The following SCUBE1 variants were observed in gnomAD, a reference collection of about 807,000 sequenced individuals.
SCUBE1 encodes signal peptide, CUB and EGF-like domain-containing protein 1.
In SCUBE1, 59 loss-of-function variants were observed where a neutral mutation model predicts 124.4. That is an observed-to-expected ratio of 0.47 (90% CI 0.38 to 0.59). SCUBE1 has a LOEUF of 0.59. Ranked by LOEUF, SCUBE1 falls within the 20% of genes least tolerant of loss-of-function variation. The pLI is 0.00. For synonymous variants in SCUBE1, 545 were observed against 550.9 expected, an observed-to-expected ratio of 0.99 and a Z score of 0.15; for missense variants, 1,150 against 1,371.2, an observed-to-expected ratio of 0.84 and a Z score of 2.55.
rs984654514 is a variant in SCUBE1 at position 43,200,429 on chromosome 22, G to C, written c.*3568C>G. Reference sequence around the variant, plus strand: ...ACGTGGATCCGTCCTACCTGGCCCAGTCCTTGTTCCCCACTTCCCTTTTCT... The same window carrying C: ...ACGTGGATCCGTCCTACCTGGCCCACTCCTTGTTCCCCACTTCCCTTTTCT... On this transcript the variant is annotated 3_prime_UTR_variant, in exon 22 of 22. Transcript: ENST00000360835. 6.6e-6 allele frequency: 1 copy of C among 152,330 alleles called. No individual in the cohort carries two copies. Among genetic ancestry groups the C allele is most frequent in the Non-Finnish European group, 1.5e-5 (1 of 68,086 alleles). 9.4% of individuals were successfully genotyped at this position (152,330 alleles called of 1,614,324 possible).
intron 4 of SCUBE1, among the ~76,000 whole-genome samples, chr22:43,275,525 G>A (rs1924471560): frequency 6.6e-6 from 1 of 152,214 alleles, no homozygotes. Flanking sequence ...CCCTTCTTGG[G>A]AGCTCATGGA....
chr22:43,318,075 C>G (rs866776258), intron 3 of SCUBE1: 1 of 152,190 alleles, frequency 6.6e-6, no homozygotes, highest in East Asian at 1.9e-4. Flanking sequence ...AGTTTGGACT[C>G]CTAACCAAGA....
chr22:43,315,403 A>G (rs1926310125), intron 3 of SCUBE1, among the ~76,000 whole-genome samples: 1 of 152,176 alleles, frequency 6.6e-6, no homozygotes, highest in Non-Finnish European at 1.5e-5. Flanking sequence ...TGACTCTTAC[A>G]GCATGATTTA....
chr22:43,206,094 T>C (rs1209562967), intron 21 of SCUBE1, among the ~76,000 whole-genome samples: 17 of 49,240 alleles, frequency 3.5e-4, no homozygotes, highest in African/African-American at 5.9e-4. Flanking sequence ...CACACCCCCA[T>C]ACACACCACA....
rs1159376458 is a variant in SCUBE1, at chr22:43,227,427, T to A, written c.1154A>T (p.Glu385Val). The A allele has an allele frequency of 6.2e-7, 1 of 1,613,090 alleles. No homozygotes were observed. Among genetic ancestry groups the A allele is most frequent in the Admixed American group, 1.7e-5 (1 of 59,976 alleles). Residue 385 changes from glutamate to valine, a missense_variant, in exon 10 of 22, where the codon GAG becomes GTG. Physicochemically the swap from Glu to Val is moderately radical, Grantham distance 121 (BLOSUM62 -2). Transcript: ENST00000360835. ...CCGCCTCCCCGGGGGACAGACGCAC[T>A]CGTAGCTGCCCTTGGTGTTGACGCA... ...QGCVNTKGSY[E>V]CVCPPGRRLH...
intron 14 of SCUBE1, among the ~76,000 whole-genome samples, chr22:43,219,886 C>T (rs544798177): frequency 1.3e-5 from 2 of 152,188 alleles, no homozygotes; most frequent in South Asian, 2.1e-4. Flanking sequence ...GTGGTTTGCA[C>T]GTGCGTCTGC....
intron 3 of SCUBE1, among the ~76,000 whole-genome samples, chr22:43,319,558 C>CTAAA (rs1926470039): frequency 1.8e-5 from 1 of 55,214 alleles, no homozygotes; most frequent in Admixed American, 2.5e-4. Flanking sequence ...GACTCCATCT[C>CTAAA]AAAAAAAAAA....
rs778181006 is a variant in SCUBE1, at chr22:43,234,604, A to G, written c.845-2729T>C. 1.3e-5 allele frequency among the ~76,000 whole-genome samples: 2 copies of G among 152,034 alleles called. No individual in the cohort carries two copies. The highest frequency in any genetic ancestry group is 2.9e-5 in the Non-Finnish European group (2 of 67,974). On this transcript the variant is annotated intron_variant, in intron 7 of 21. Transcript: ENST00000360835. This position sits in a 1 kb window ranked among gnomAD's most constrained non-coding sequence, Gnocchi z 4.4. ...TGGAGGGAAGCCCCCTCCTCACACT[A>G]CCTCAGGATATAGTGAAGGGGGTGC...
At chr22:43,320,128 C>T (rs1926495320) in intron 2 of SCUBE1, 63 bp from the exon 3 acceptor site, 1 of 1,597,522 alleles carries the variant, frequency 6.3e-7, no homozygotes, top group Non-Finnish European at 8.6e-7. Context: ...CTCCCAACAC[C>T]ATGGAAGCCA....
At chr22:43,279,852 G>A (rs1924692118) in intron 4 of SCUBE1, among the ~76,000 whole-genome samples, 1 of 152,216 alleles carries the variant, frequency 6.6e-6, no homozygotes, top group South Asian at 2.1e-4. Flanking sequence ...GGAATGCAGA[G>A]GCTTGGACAT....
Position 43,201,324 on chromosome 22 carries a change from A to G in SCUBE1, c.*2673T>C, listed in dbSNP as rs1400402288. On this transcript the variant is annotated 3_prime_UTR_variant, in exon 22 of 22. Coordinates refer to ENST00000360835, the MANE Select transcript of SCUBE1 (RefSeq NM_173050.5). Reference sequence around the variant, plus strand: ...ATCTCAAAAAAAAAAAAAAAAAAAAAAAAGAAAACAAAAAAAGAAAACAAA... The same window carrying G: ...ATCTCAAAAAAAAAAAAAAAAAAAAGAAAGAAAACAAAAAAAGAAAACAAA... 6.8e-6 allele frequency: 1 copy of G among 147,742 alleles called. No homozygotes were observed. The highest frequency in any genetic ancestry group is 2.1e-4 in the South Asian group (1 of 4,744). The allele number at this position is 147,742 out of a possible 1,614,324, so 9.2% of individuals were successfully genotyped here. A position where few individuals can be genotyped will look rare whatever the true frequency, so the allele number is the denominator to read the frequency against.
At chr22:43,268,655 C>A (rs1924169760) in intron 4 of SCUBE1, among the ~76,000 whole-genome samples, 1 of 152,234 alleles carries the variant, frequency 6.6e-6, no homozygotes, top group Non-Finnish European at 1.5e-5. Context: ...TCGGTTTCCA[C>A]CTACGTAGAA....
intron 4 of SCUBE1, among the ~76,000 whole-genome samples, chr22:43,284,929 G>A (rs1001500327): frequency 3.9e-5 from 6 of 152,122 alleles, no homozygotes; most frequent in East Asian, 1.9e-4. Flanking sequence ...CGAGACCCAC[G>A]AGGAATGCCT....
intron 3 of SCUBE1, among the ~76,000 whole-genome samples, chr22:43,300,456 G>A (rs770943534): frequency 6.6e-6 from 1 of 151,984 alleles, no homozygotes; most frequent in Non-Finnish European, 1.5e-5. Context: ...AGACAGACAC[G>A]GTCCCTGTTC....
chr22:43,225,840 C>T (rs1204914873), intron 10 of SCUBE1, among the ~76,000 whole-genome samples: 2 of 152,088 alleles, frequency 1.3e-5, no homozygotes, highest in Non-Finnish European at 2.9e-5. Flanking sequence ...ACAACGCTTT[C>T]CTGCAAAGAA....
At position 43,200,095 on chromosome 22, in the gene SCUBE1, T is replaced by G. The variant is rs946400094; in HGVS notation, c.*3902A>C. 1.3e-5 allele frequency: 2 copies of G among 152,182 alleles called. No individual in the cohort carries two copies. The highest frequency in any genetic ancestry group is 1.3e-4 in the Admixed American group (2 of 15,276). The allele number at this position is 152,182 out of a possible 1,614,324, so 9.4% of individuals were successfully genotyped here. A position where few individuals can be genotyped will look rare whatever the true frequency, so the allele number is the denominator to read the frequency against. On this transcript the variant is annotated 3_prime_UTR_variant, in exon 22 of 22. Coordinates refer to ENST00000360835, the MANE Select transcript of SCUBE1 (RefSeq NM_173050.5). ...GGAAGCTGTGCGGGAGACACCCCGG[T>G]TTTCCATGCCTTTCTTCACAGAGTT...
chr22:43,262,468 G>C (rs2146712132), intron 5 of SCUBE1, among the ~76,000 whole-genome samples: 1 of 152,326 alleles, frequency 6.6e-6, no homozygotes, highest in Middle Eastern at 3.4e-3. Context: ...CTCAGGGGCT[G>C]CCATAAGATC....
chr22:43,238,698 C>A, intron 7 of SCUBE1, 140 bp downstream of exon 7: 1 of 768,930 alleles, frequency 1.3e-6, no homozygotes, highest in Non-Finnish European at 2.4e-6. Flanking sequence ...AACAGCAAAG[C>A]AAATGATTGC....
At chr22:43,270,777 C>A (rs890021270) in intron 4 of SCUBE1, among the ~76,000 whole-genome samples, 1 of 152,354 alleles carries the variant, frequency 6.6e-6, no homozygotes, top group African/African-American at 2.4e-5. Context: ...TCTCCAGCTG[C>A]AGAGGGAACT....
Sources: gnomAD v4.1 joint callset for allele counts (sites outside exome capture counted in the v4.1 genomes callset) on GRCh38, gnomAD v4.1.1 for gene constraint, Gnocchi (gnomAD v3.1) non-coding constraint, MANE v1.5 for transcripts, NCBI Gene and HGNC (gene_info 2026-07-23, HGNC 2026-07-21) for gene names.